Variants in SLC35F2 observed in about 807,000 individuals in gnomAD.
The protein encoded by SLC35F2 is solute carrier family 35 member F2.
SLC35F2 carries 25 observed loss-of-function variants against 38.1 expected under a neutral mutation model. The ratio of observed to expected loss-of-function variants is 0.66; its 90% CI spans 0.48 to 0.92. SLC35F2 has a LOEUF of 0.92. SLC35F2 is among the 40% of genes least tolerant of loss of function. SLC35F2 has a pLI of 0.00. For missense variants in SLC35F2, 409 were observed against 452.9 expected, an observed-to-expected ratio of 0.90 and a Z score of 0.88; for synonymous variants, 173 against 181.7, an observed-to-expected ratio of 0.95 and a Z score of 0.38.
At chr11:107,797,722 T>C (rs1859242931) in intron 7 of SLC35F2, among the ~76,000 whole-genome samples, 1 of 152,126 alleles carries the variant, frequency 6.6e-6, no homozygotes, top group Non-Finnish European at 1.5e-5. Context: ...AAGAATTCCT[T>C]AAGGAATGTA....
At chr11:107,796,233 A>T (rs1859215494) in intron 7 of SLC35F2, among the ~76,000 whole-genome samples, 1 of 152,182 alleles carries the variant, frequency 6.6e-6, no homozygotes, top group Admixed American at 6.5e-5. Flanking sequence ...TCAAAAAACT[A>T]AAAATAGAAC....
chr11:107,830,160 T>C (rs1859815460), intron 1 of SLC35F2, among the ~76,000 whole-genome samples: 2 of 152,198 alleles, frequency 1.3e-5, no homozygotes. Context: ...ACTTAGTAAA[T>C]TTTAAAGAAA....
intron 1 of SLC35F2, among the ~76,000 whole-genome samples, chr11:107,828,689 C>T (rs1376575999): frequency 6.6e-6 from 1 of 151,856 alleles, no homozygotes; most frequent in Non-Finnish European, 1.5e-5. Context: ...TTTAGGAGCC[C>T]TAATAAAATA....
chr11:107,844,042 ACTTTATATACT>A (rs1339703844), intron 1 of SLC35F2, among the ~76,000 whole-genome samples: 1 of 151,840 alleles, frequency 6.6e-6, no homozygotes, highest in Non-Finnish European at 1.5e-5. Flanking sequence ...TATTTATCTG[ACTTTATATACT>A]CTTTGCCATC....
At chr11:107,815,479 G>A (rs1230300410) in intron 2 of SLC35F2, among the ~76,000 whole-genome samples, 1 of 151,176 alleles carries the variant, frequency 6.6e-6, no homozygotes, top group Admixed American at 6.6e-5. Flanking sequence ...GATCACTTGA[G>A]CCTGGGAGGT....
At chr11:107,825,370 T>C (rs1859738511) in intron 1 of SLC35F2, among the ~76,000 whole-genome samples, 1 of 146,144 alleles carries the variant, frequency 6.8e-6, no homozygotes, top group South Asian at 2.1e-4. Flanking sequence ...TCTTTTTTTT[T>C]TTTTTTTTCT....
intron 1 of SLC35F2, chr11:107,823,060 A>G (rs1451604284): frequency 1.4e-6 from 1 of 731,878 alleles, no homozygotes; most frequent in African/African-American, 1.9e-5. Flanking sequence ...TACTATTTCA[A>G]ATTAGATAGG....
At chr11:107,806,931 G>C (rs573722021) in intron 3 of SLC35F2, 55 bp from the exon 4 acceptor site, 9 of 1,515,026 alleles carry the variant, frequency 5.9e-6, no homozygotes, top group Non-Finnish European at 8.1e-6. Context: ...GCTAAAAGAT[G>C]GGTAATTAAG....
At chr11:107,836,555 G>GTCAGAAGGAGCTATAACT (rs1565438539) in intron 1 of SLC35F2, among the ~76,000 whole-genome samples, 1 of 152,316 alleles carries the variant, frequency 6.6e-6, no homozygotes, top group Non-Finnish European at 1.5e-5. Context: ...CCCAGCTGTA[G>GTCAGAAGGAGCTATAACT]TCAGAAGGAG....
chr11:107,851,036 G>A (rs2134861668), intron 1 of SLC35F2, among the ~76,000 whole-genome samples: 2 of 151,752 alleles, frequency 1.3e-5, no homozygotes, highest in South Asian at 4.2e-4. Flanking sequence ...AGGCTAAGGT[G>A]GGCGGATCAC....
chr11:107,833,518 C>CAAAAAAAAAAA (rs34376803), intron 1 of SLC35F2, among the ~76,000 whole-genome samples: 1 of 89,538 alleles, frequency 1.1e-5, no homozygotes, highest in African/African-American at 4.9e-5. Flanking sequence ...GACTCTGTCT[C>CAAAAAAAAAAA]AAAAAAAAAA....
At chr11:107,811,282 T>TA in intron 3 of SLC35F2, 1 of 983,274 alleles carries the variant, frequency 1.0e-6, no homozygotes, top group Non-Finnish European at 1.2e-6. Flanking sequence ...ATGGTTTCTT[T>TA]GTCATGAATA....
chr11:107,854,561 T>G (rs1648763486), intron 1 of SLC35F2, among the ~76,000 whole-genome samples: 1 of 152,140 alleles, frequency 6.6e-6, no homozygotes, highest in Non-Finnish European at 1.5e-5. Flanking sequence ...AAAGCCAAAA[T>G]TACACACTCC....
chr11:107,857,102 C>T (rs1010939440), intron 1 of SLC35F2, among the ~76,000 whole-genome samples: 2 of 122,774 alleles, frequency 1.6e-5, no homozygotes, highest in Non-Finnish European at 1.6e-5. Flanking sequence ...CCAAGGTCAC[C>T]CAGCAGAAGG....
At chr11:107,829,751 G>A (rs1230403874) in intron 1 of SLC35F2, among the ~76,000 whole-genome samples, 1 of 150,428 alleles carries the variant, frequency 6.6e-6, no homozygotes, top group Non-Finnish European at 1.5e-5. Flanking sequence ...ATATTCTAGG[G>A]TCTATGAACT....
At position 107,843,853 on chromosome 11, in the gene SLC35F2, AAAAAAAAAAAAAAAAATATATATAT is replaced by A. The variant is rs1335864180; in HGVS notation, c.110+14780_110+14804del. 6.1e-4 allele frequency among the ~76,000 whole-genome samples: 18 copies of A among 29,634 alleles called. 1 individual carries two copies. The highest frequency in any genetic ancestry group is 9.5e-4 in the Non-Finnish European group (16 of 16,836). 19.4% of individuals were successfully genotyped at this position (29,634 alleles called of 152,430 possible). On this transcript the variant is annotated intron_variant, in intron 1 of 7. Coordinates refer to ENST00000525815, the MANE Select transcript of SLC35F2 (RefSeq NM_017515.5). ...AAGTGAGACTCTGTATCTTAAAAAA[AAAAAAAAAAAAAAAAATATATATAT>A]ATATATATATATATATATATATATA...
intron 1 of SLC35F2, among the ~76,000 whole-genome samples, chr11:107,820,782 C>A (rs1000171475): frequency 5.9e-5 from 9 of 152,114 alleles, no homozygotes; most frequent in African/African-American, 1.9e-4. Flanking sequence ...ATAGTGAAAT[C>A]CCGTCTCTAC....
intron 1 of SLC35F2, among the ~76,000 whole-genome samples, chr11:107,838,321 T>G (rs1859961277): frequency 6.6e-6 from 1 of 152,162 alleles, no homozygotes; most frequent in African/African-American, 2.4e-5. Flanking sequence ...ATATGATGTT[T>G]CTTTTCGTTT....
At chr11:107,817,013 C>T (rs1360711019) in intron 1 of SLC35F2, among the ~76,000 whole-genome samples, 1 of 152,134 alleles carries the variant, frequency 6.6e-6, no homozygotes, top group Non-Finnish European at 1.5e-5. Context: ...TGCGGTGGCT[C>T]ACACCTGTAA....
Sources: gnomAD v4.1 joint callset for allele counts (sites outside exome capture counted in the v4.1 genomes callset) on GRCh38, gnomAD v4.1.1 for gene constraint, MANE v1.5 for transcripts, NCBI Gene and HGNC (gene_info 2026-07-23, HGNC 2026-07-21) for gene names.